PTPRD: variants seen among roughly 807,000 people sequenced by gnomAD.
The protein encoded by PTPRD is receptor-type tyrosine-protein phosphatase delta.
PTPRD carries 34 observed loss-of-function variants against 214.5 expected under a neutral mutation model. The ratio of observed to expected loss-of-function variants is 0.16; its 90% confidence interval spans 0.12 to 0.21. The LOEUF (loss-of-function observed/expected upper bound fraction) is 0.21. Among genes scored for constraint, PTPRD ranks in the 10% least tolerant of loss-of-function variants. The pLI, the probability that PTPRD is intolerant of heterozygous loss-of-function variation, is 1.00. For synonymous variants in PTPRD, 1,128 were observed against 845.7 expected (o/e 1.33, Z -5.79); for missense variants, 2,545 against 2,398.7 (o/e 1.06, Z -1.27).
chr9:9,947,180 C>A (rs890486248), intron 4 of PTPRD, among the ~76,000 whole-genome samples: 2 of 146,108 alleles, frequency 1.4e-5, no homozygotes, highest in African/African-American at 5.1e-5. Context: ...ATGAGTAGTT[C>A]AGCTATACAG....
At chr9:9,541,483 G>A (rs973537433) in intron 8 of PTPRD, among the ~76,000 whole-genome samples, 1 of 151,808 alleles carries the variant, frequency 6.6e-6, no homozygotes, top group East Asian at 1.9e-4. Flanking sequence ...ATATCATGTA[G>A]AGCAGAAATG....
intron 11 of PTPRD, among the ~76,000 whole-genome samples, chr9:8,781,655 C>T (rs1401724057): frequency 3.1e-5 from 1 of 32,174 alleles, no homozygotes; most frequent in Non-Finnish European, 5.1e-5. Context: ...GACTCTGGGG[C>T]AGTGCTTTAA....
At chr9:9,638,267 C>G (rs2095835832) in intron 7 of PTPRD, among the ~76,000 whole-genome samples, 1 of 152,126 alleles carries the variant, frequency 6.6e-6, no homozygotes, top group Non-Finnish European at 1.5e-5. Context: ...CATTTTACTA[C>G]AAGCAGTCCA....
At chr9:8,918,882 T>A (rs572577739) in intron 11 of PTPRD, among the ~76,000 whole-genome samples, 3 of 152,266 alleles carry the variant, frequency 2.0e-5, no homozygotes, top group African/African-American at 7.2e-5. Context: ...CAAGTCATAT[T>A]TGTTGCTTTT....
chr9:9,068,391 T>C (rs1167114238), intron 10 of PTPRD, among the ~76,000 whole-genome samples: 2 of 152,202 alleles, frequency 1.3e-5, no homozygotes, highest in Admixed American at 6.5e-5. Flanking sequence ...TGCATAGTAA[T>C]TGCTTGTTTA....
At chr9:9,187,638 C>A (rs937179896) in intron 9 of PTPRD, among the ~76,000 whole-genome samples, 1 of 151,872 alleles carries the variant, frequency 6.6e-6, no homozygotes, top group Non-Finnish European at 1.5e-5. Context: ...CTAATGTCAT[C>A]CCTTATAGGT....
chr9:8,673,730 G>A (rs1460669017), intron 12 of PTPRD, among the ~76,000 whole-genome samples: 2 of 152,042 alleles, frequency 1.3e-5, no homozygotes, highest in Middle Eastern at 3.2e-3. Flanking sequence ...TAATTTAGCT[G>A]CTAAGGAAAA....
intron 5 of PTPRD, among the ~76,000 whole-genome samples, chr9:9,780,677 C>T (rs2098836199): frequency 6.6e-6 from 1 of 152,154 alleles, no homozygotes; most frequent in African/African-American, 2.4e-5. Context: ...CATCACACAC[C>T]TAGGTATTTA....
At chr9:9,152,790 T>C (rs556245858) in intron 10 of PTPRD, among the ~76,000 whole-genome samples, 1 of 152,156 alleles carries the variant, frequency 6.6e-6, no homozygotes. Context: ...GGCTGTTGAG[T>C]AGACTTTGCA....
chr9:10,413,752 A>G (rs1187071887), intron 2 of PTPRD, among the ~76,000 whole-genome samples: 1 of 151,958 alleles, frequency 6.6e-6, no homozygotes, highest in Admixed American at 6.6e-5. Flanking sequence ...TATTGGTACA[A>G]AAACAGGCAC....
At chr9:9,840,410 T>C (rs1282321873) in intron 5 of PTPRD, among the ~76,000 whole-genome samples, 3 of 152,120 alleles carry the variant, frequency 2.0e-5, no homozygotes, top group Admixed American at 2.0e-4. Flanking sequence ...TGAAACATTA[T>C]CCTTCAGTCT....
chr9:9,728,266 T>C (rs2098126894), intron 7 of PTPRD, among the ~76,000 whole-genome samples: 1 of 152,180 alleles, frequency 6.6e-6, no homozygotes, highest in South Asian at 2.1e-4. Flanking sequence ...GAAAACAAAC[T>C]AATACATGTC....
At chr9:9,479,404 G>A (rs1228843750) in intron 8 of PTPRD, among the ~76,000 whole-genome samples, 1 of 151,128 alleles carries the variant, frequency 6.6e-6, no homozygotes, top group Non-Finnish European at 1.5e-5. Flanking sequence ...TATATTTCTT[G>A]AAAACTAACT....
chr9:9,041,084 T>G (rs2099638177), intron 10 of PTPRD, among the ~76,000 whole-genome samples: 1 of 152,160 alleles, frequency 6.6e-6, no homozygotes, highest in South Asian at 2.1e-4. Flanking sequence ...ATGCTATGAC[T>G]GTTTCATAAA....
chr9:9,133,283 G>C (rs544536627), intron 10 of PTPRD, among the ~76,000 whole-genome samples: 47 of 152,170 alleles, frequency 3.1e-4, no homozygotes, highest in African/African-American at 1.1e-3. Context: ...TCCTTCCTAG[G>C]TTATTCTTAC....
chr9:9,787,950 T>TG (rs1357002719), intron 5 of PTPRD, among the ~76,000 whole-genome samples: 1 of 151,362 alleles, frequency 6.6e-6, no homozygotes, highest in Non-Finnish European at 1.5e-5. Context: ...CCTGGCTAAT[T>TG]TTTTGTGTTT....
At chr9:9,410,841 A>G (rs2075157498) in intron 8 of PTPRD, among the ~76,000 whole-genome samples, 1 of 152,200 alleles carries the variant, frequency 6.6e-6, no homozygotes, top group South Asian at 2.1e-4. Flanking sequence ...TACACATGTA[A>G]ACAAGAAACA....
chr9:9,004,345 C>T (rs1329008922), intron 11 of PTPRD, among the ~76,000 whole-genome samples: 1 of 151,836 alleles, frequency 6.6e-6, no homozygotes, highest in Non-Finnish European at 1.5e-5. Context: ...AACCTCATAC[C>T]CTTATTCTCT....
intron 4 of PTPRD, among the ~76,000 whole-genome samples, chr9:9,963,588 TA>T (rs1345824122): frequency 6.6e-6 from 1 of 152,104 alleles, no homozygotes; most frequent in Non-Finnish European, 1.5e-5. Context: ...TTTATTGTCA[TA>T]AAAAAGGCAG....
Sources: allele counts gnomAD v4.1 joint callset (sites outside exome capture counted in the v4.1 genomes callset), GRCh38; gene constraint gnomAD v4.1.1; transcripts MANE v1.5; gene names NCBI Gene and HGNC (gene_info 2026-07-23, HGNC 2026-07-21).